The following PTPRD variants were observed in gnomAD, a reference collection of about 807,000 sequenced individuals.
PTPRD encodes the protein receptor-type tyrosine-protein phosphatase delta.
PTPRD carries 34 observed loss-of-function variants against 214.5 expected under a neutral mutation model. The ratio of observed to expected loss-of-function variants is 0.16; its 90% confidence interval spans 0.12 to 0.21. The LOEUF is 0.21. PTPRD is among the 10% of genes least tolerant of loss of function. The pLI is 1.00. For synonymous variants in PTPRD, 1,128 were observed against 845.7 expected, an observed-to-expected ratio of 1.33 and a Z score of -5.79; for missense variants, 2,545 against 2,398.7, an observed-to-expected ratio of 1.06 and a Z score of -1.27.
intron 11 of PTPRD, among the ~76,000 whole-genome samples, chr9:8,967,842 T>C (rs2099208228): frequency 6.6e-6 from 1 of 152,104 alleles, no homozygotes; most frequent in Non-Finnish European, 1.5e-5. Context: ...CATGTTGGTG[T>C]GCTGCATCCA....
Position 9,816,450 on chromosome 9 carries a change from T to C in PTPRD, c.-367-49599A>G, listed in dbSNP as rs933978815. Among the ~76,000 whole-genome samples the C allele has an allele frequency of 4.6e-5, 7 of 152,228 alleles. 1 individual carries two copies. Among genetic ancestry groups the C allele is most frequent in the African/African-American group, 1.7e-4 (7 of 41,556 alleles). On this transcript the variant is annotated intron_variant, in intron 5 of 45. Transcript: ENST00000381196. ...ATGCATCATAATTGCTAAAGTGCTT[T>C]GGTACATTTACATAAATCTCACTAT...
chr9:9,784,347 T>C (rs1043611568), intron 5 of PTPRD, among the ~76,000 whole-genome samples: 36 of 152,076 alleles, frequency 2.4e-4, no homozygotes, highest in Non-Finnish European at 4.3e-4. Context: ...TCTAGTGACG[T>C]AATTTTTATT....
At chr9:9,096,026 C>G (rs1439152641) in intron 10 of PTPRD, among the ~76,000 whole-genome samples, 3 of 152,068 alleles carry the variant, frequency 2.0e-5, no homozygotes, top group African/African-American at 7.2e-5. Context: ...CGTTATTCTA[C>G]CTATACATGG....
intron 11 of PTPRD, among the ~76,000 whole-genome samples, chr9:8,957,164 C>T (rs1283346670): frequency 2.0e-5 from 3 of 151,856 alleles, no homozygotes; most frequent in Admixed American, 1.3e-4. Flanking sequence ...GGCTAGGTTT[C>T]ATCACACACA....
intron 2 of PTPRD, among the ~76,000 whole-genome samples, chr9:10,589,815 G>A (rs1178572144): frequency 6.6e-6 from 1 of 152,008 alleles, no homozygotes; most frequent in Non-Finnish European, 1.5e-5. Context: ...TTTGACTTTT[G>A]ATTGAATTTA....
chr9:10,399,153 A>G (rs750582000), intron 2 of PTPRD, among the ~76,000 whole-genome samples: 2 of 152,036 alleles, frequency 1.3e-5, no homozygotes, highest in Non-Finnish European at 2.9e-5. Flanking sequence ...CAAACGAAAT[A>G]TACTCATCAA....
chr9:9,346,372 A>G lies in PTPRD; in HGVS notation c.-203+51077T>C, dbSNP rs2048804635. ...ATTTGATCTTGAGAAAAATTTAAGAAAAAGTAACCAAAAATTAACTGAGAG... is the reference window on the plus strand; with the variant it reads ...ATTTGATCTTGAGAAAAATTTAAGAGAAAGTAACCAAAAATTAACTGAGAG... On this transcript the variant is annotated intron_variant, in intron 9 of 45. Coordinates refer to ENST00000381196, the MANE Select transcript of PTPRD (RefSeq NM_002839.4). Among the ~76,000 whole-genome samples, 3 of 152,302 alleles carry G rather than the reference A, an allele frequency of 2.0e-5. No individual in the cohort carries two copies. In the South Asian group the frequency reaches 6.2e-4, roughly 32 times the overall value.
At chr9:8,970,324 C>T (rs62529139) in intron 11 of PTPRD, among the ~76,000 whole-genome samples, 3,444 of 151,842 alleles carry the variant, frequency 0.023, 66 homozygotes, top group Middle Eastern at 0.051. Flanking sequence ...CTGAAAATAG[C>T]ATCTTTTCAA....
intron 2 of PTPRD, among the ~76,000 whole-genome samples, chr9:10,431,753 T>C (rs991450503): frequency 6.6e-6 from 1 of 152,020 alleles, no homozygotes; most frequent in Admixed American, 6.6e-5. Flanking sequence ...CTCACACCAG[T>C]TAGAATGGCA....
intron 8 of PTPRD, among the ~76,000 whole-genome samples, chr9:9,557,339 T>C (rs1186845853): frequency 2.0e-5 from 3 of 152,250 alleles, no homozygotes; most frequent in South Asian, 4.1e-4. Context: ...CAAAGCAGAC[T>C]CTTTGTACCA....
At chr9:9,529,637 C>G (rs2075019739) in intron 8 of PTPRD, among the ~76,000 whole-genome samples, 1 of 151,836 alleles carries the variant, frequency 6.6e-6, no homozygotes, top group Non-Finnish European at 1.5e-5. Context: ...GTTATAGTAC[C>G]AGATTTTACT....
intron 9 of PTPRD, among the ~76,000 whole-genome samples, chr9:9,286,873 A>AATATATATATATATAT (rs34631864): frequency 2.6e-5 from 2 of 77,104 alleles, no homozygotes; most frequent in East Asian, 3.7e-4. Flanking sequence ...GAAACTACTG[A>AATATATATATATATAT]ATATATATAT....
At chr9:8,719,995 T>C (rs910170636) in intron 12 of PTPRD, among the ~76,000 whole-genome samples, 1 of 152,232 alleles carries the variant, frequency 6.6e-6, no homozygotes, top group African/African-American at 2.4e-5. Context: ...GTAATCACCA[T>C]GTGTTTCAGC....
intron 6 of PTPRD, among the ~76,000 whole-genome samples, chr9:9,753,019 C>T (rs1452856895): frequency 6.6e-6 from 1 of 152,056 alleles, no homozygotes; most frequent in Non-Finnish European, 1.5e-5. Context: ...AACAAGCTGC[C>T]CCCTTTTCAC....
Position 8,812,093 on chromosome 9 carries a change from C to A in PTPRD, c.-103-78147G>T, listed in dbSNP as rs867351587. ...GAGCAGGCTGCATGTTCCTATCCTA[C>A]ATATGGCACAAACAAAAGAGAAAAA... On this transcript the variant is annotated intron_variant, in intron 11 of 45. Transcript: ENST00000381196. 2.0e-5 allele frequency among the ~76,000 whole-genome samples: 3 copies of A among 152,272 alleles called. No individual in the cohort carries two copies. In the Middle Eastern group the frequency reaches 0.01, roughly 521 times the overall value.
chr9:9,903,684 T>C (rs1425687198), intron 5 of PTPRD, among the ~76,000 whole-genome samples: 4 of 152,010 alleles, frequency 2.6e-5, no homozygotes, highest in Non-Finnish European at 5.9e-5. Context: ...ACGTCCACAG[T>C]TTAAAACCAT....
At chr9:8,383,373 T>A (rs1194552653) in intron 37 of PTPRD, among the ~76,000 whole-genome samples, 3 of 152,174 alleles carry the variant, frequency 2.0e-5, no homozygotes, top group Non-Finnish European at 2.9e-5. Context: ...TTCCCTAAAC[T>A]GTTAACAAAG....
At chr9:8,370,298 C>A (rs1033033973) in intron 39 of PTPRD, among the ~76,000 whole-genome samples, 16 of 151,722 alleles carry the variant, frequency 1.1e-4, no homozygotes, top group African/African-American at 3.6e-4. Flanking sequence ...TACACATGTG[C>A]AGTAAAGAGC....
rs71332760 is a variant in PTPRD, at chr9:10,564,171, CTTT to C, written c.-600+48224_-600+48226del. On this transcript the variant is annotated intron_variant, in intron 2 of 45. Transcript: ENST00000381196. Reference sequence around the variant, plus strand: ...GTGTGCACCACCACACTAGGCTATTCTTTTTTTTTTTTTTTTTTTTTTTTGAGA... The same window carrying C: ...GTGTGCACCACCACACTAGGCTATTCTTTTTTTTTTTTTTTTTTTTTGAGA... Among the ~76,000 whole-genome samples, 9 of 29,406 alleles carry C rather than the reference CTTT, an allele frequency of 3.1e-4. 1 individual carries two copies. The highest frequency in any genetic ancestry group is 1.2e-3 in the East Asian group (1 of 846). 19.3% of individuals were successfully genotyped at this position (29,406 alleles called of 152,430 possible).
Sources: allele counts gnomAD v4.1 joint callset (sites outside exome capture counted in the v4.1 genomes callset), GRCh38; gene constraint gnomAD v4.1.1; transcripts MANE v1.5; gene names NCBI Gene and HGNC (gene_info 2026-07-23, HGNC 2026-07-21).